Variants in PRSS3 observed in about 807,000 individuals in gnomAD.
The protein encoded by PRSS3 is trypsin-3.
PRSS3 carries 14 observed loss-of-function variants against 20.8 expected under a neutral mutation model. That is an observed-to-expected ratio of 0.67 (90% confidence interval 0.44 to 1.05). The LOEUF is 1.05. Among genes scored for constraint, PRSS3 ranks in the 50% least tolerant of loss-of-function variants. The probability of loss-of-function intolerance (pLI) is 0.00; values close to 1 mark genes in which losing one functional copy is unlikely to be tolerated. For missense variants in PRSS3, 237 were observed against 306.4 expected (o/e 0.77, Z 1.69); for synonymous variants, 91 against 117.6 (o/e 0.77, Z 1.46).
intron 1 of PRSS3, among the ~76,000 whole-genome samples, chr9:33,771,645 GT>G (rs112204565): frequency 0.033 from 2,581 of 78,732 alleles, 100 homozygotes; most frequent in African/African-American, 0.084. Context: ...TTGTTTTTTT[GT>G]TTTTTTTTTT....
intron 1 of PRSS3, among the ~76,000 whole-genome samples, chr9:33,770,936 G>A (rs1377576081): frequency 1.3e-5 from 2 of 152,136 alleles, no homozygotes; most frequent in Non-Finnish European, 2.9e-5. Context: ...AACAGAAAGG[G>A]CCAGTCACAA....
At chr9:33,782,372 T>C (rs1563963514) in intron 1 of PRSS3, among the ~76,000 whole-genome samples, 1 of 152,192 alleles carries the variant, frequency 6.6e-6, no homozygotes, top group Non-Finnish European at 1.5e-5. Flanking sequence ...GCTCACTACC[T>C]GGGTGCAATA....
At chr9:33,752,635 T>C (rs1255193048) in intron 1 of PRSS3, among the ~76,000 whole-genome samples, 1 of 152,214 alleles carries the variant, frequency 6.6e-6, no homozygotes, top group Non-Finnish European at 1.5e-5. Context: ...CACACTTTCT[T>C]TGAACTCTTA....
intron 1 of PRSS3, among the ~76,000 whole-genome samples, chr9:33,783,869 G>A (rs1824276331): frequency 1.4e-5 from 2 of 139,530 alleles, no homozygotes; most frequent in South Asian, 2.2e-4. Flanking sequence ...CAGCCTGAGC[G>A]ACAGAGCTAG....
chr9:33,777,412 A>T (rs1418369932), intron 1 of PRSS3, among the ~76,000 whole-genome samples: 3 of 151,488 alleles, frequency 2.0e-5, no homozygotes, highest in Non-Finnish European at 4.4e-5. Flanking sequence ...AGGTCGAGCC[A>T]CCGCGGCTCA....
chr9:33,785,895 T>C (rs1824383226), intron 1 of PRSS3: 1 of 159,736 alleles, frequency 6.3e-6, no homozygotes, highest in Non-Finnish European at 1.4e-5. Context: ...CTTTAGTTCT[T>C]TGAAGTCAGT....
chr9:33,798,864 G>T, intron 4 of PRSS3, 164 bp from the exon 5 acceptor site: 2 of 1,098,184 alleles, frequency 1.8e-6, no homozygotes, highest in Non-Finnish European at 2.7e-6. Context: ...AGGCTCCCTT[G>T]TGCTGCACGC....
At chr9:33,794,221 C>G (rs893136938), upstream of PRSS3, among the ~76,000 whole-genome samples, 1 of 150,944 alleles carries the variant, frequency 6.6e-6, no homozygotes, top group Non-Finnish European at 1.5e-5. Flanking sequence ...TTCACCATCT[C>G]CAGAACATCT....
At chr9:33,764,403 C>T (rs1328305600) in intron 1 of PRSS3, among the ~76,000 whole-genome samples, 2 of 152,086 alleles carry the variant, frequency 1.3e-5, no homozygotes, top group African/African-American at 4.8e-5. Flanking sequence ...TGTGGTGGCA[C>T]ATTCCTGTAA....
At chr9:33,773,718 A>C (rs916816049) in intron 1 of PRSS3, among the ~76,000 whole-genome samples, 12 of 152,194 alleles carry the variant, frequency 7.9e-5, no homozygotes, top group African/African-American at 2.9e-4. Context: ...ATCACGGCTC[A>C]CTGCAGCCTC....
intron 1 of PRSS3, among the ~76,000 whole-genome samples, chr9:33,758,167 C>A (rs893860236): frequency 6.6e-6 from 1 of 152,146 alleles, no homozygotes; most frequent in African/African-American, 2.4e-5. Flanking sequence ...TTCTAATGGT[C>A]ATTTTTCTGC....
intron 1 of PRSS3, among the ~76,000 whole-genome samples, chr9:33,789,190 T>C (rs1179439311): frequency 1.3e-5 from 2 of 152,226 alleles, no homozygotes; most frequent in Admixed American, 1.3e-4. Flanking sequence ...GTGGCCTATT[T>C]CCTTGGGCAT....
intron 1 of PRSS3, among the ~76,000 whole-genome samples, chr9:33,760,061 C>A (rs1281033375): frequency 6.6e-6 from 1 of 152,082 alleles, no homozygotes; most frequent in African/African-American, 2.4e-5. Flanking sequence ...GACTCCATGA[C>A]TTTGGAGTGA....
rs553900915 is a variant in PRSS3, at chr9:33,789,877, GTAACCT to G, written c.-52-4864_-52-4859del. On this transcript the variant is annotated intron_variant, in intron 1 of 5. Coordinates refer to the PRSS3 transcript ENST00000342836. ...ACTTGGTTCTTCTTTAACACTAGGTGTAACCTTAACAAGTTACACAATTTCTCCATG... is the reference window on the plus strand; with the variant it reads ...ACTTGGTTCTTCTTTAACACTAGGTGTAACAAGTTACACAATTTCTCCATG... 3.9e-5 allele frequency among the ~76,000 whole-genome samples: 6 copies of G among 152,258 alleles called. No individual in the cohort carries two copies. The South Asian group carries it at 1.2e-3, about 32-fold the overall frequency.
chr9:33,765,151 C>G (rs893737656), intron 1 of PRSS3, among the ~76,000 whole-genome samples: 34 of 152,204 alleles, frequency 2.2e-4, no homozygotes, highest in African/African-American at 8.0e-4. Flanking sequence ...ATACAGTCAT[C>G]ACCCTTTATC....
At chr9:33,792,256 T>C (rs759757252), upstream of PRSS3, among the ~76,000 whole-genome samples, 2 of 151,942 alleles carry the variant, frequency 1.3e-5, no homozygotes, top group African/African-American at 4.8e-5. Flanking sequence ...GTTTGCAGAA[T>C]GATAAAGGAT....
chr9:33,777,854 T>A (rs778037068), intron 1 of PRSS3, among the ~76,000 whole-genome samples: 1 of 152,182 alleles, frequency 6.6e-6, no homozygotes, highest in Non-Finnish European at 1.5e-5. Context: ...ATTTCTTATA[T>A]TTTAAGTAAA....
intron 1 of PRSS3, among the ~76,000 whole-genome samples, chr9:33,778,922 A>T (rs1304134523): frequency 6.6e-6 from 1 of 152,192 alleles, no homozygotes; most frequent in African/African-American, 2.4e-5. Context: ...GCTATCGGCC[A>T]TTACTCTTAA....
intron 1 of PRSS3, among the ~76,000 whole-genome samples, chr9:33,770,454 T>C (rs553793420): frequency 1.5e-3 from 234 of 152,236 alleles, no homozygotes; most frequent in Non-Finnish European, 2.7e-3. Context: ...GGGATGGGGA[T>C]GAGTGTATTT....
Sources: allele counts gnomAD v4.1 joint callset (sites outside exome capture counted in the v4.1 genomes callset), GRCh38; gene constraint gnomAD v4.1.1; transcripts MANE v1.5; gene names NCBI Gene and HGNC (gene_info 2026-07-23, HGNC 2026-07-21).